The following MTUS1 variants were observed in gnomAD, a reference collection of about 807,000 sequenced individuals.
The protein encoded by MTUS1 is microtubule associated scaffold protein 1.
A neutral mutation model predicts 120.8 loss-of-function variants in MTUS1; 109 were observed. The observed-to-expected ratio is 0.90, with a 90% CI of 0.77 to 1.06. The LOEUF is 1.06. Among genes scored for constraint, MTUS1 ranks in the 50% least tolerant of loss-of-function variants. MTUS1 has a pLI of 0.00. For missense variants in MTUS1, 2,210 were observed against 1,486.3 expected (o/e 1.49, Z -8.01); for synonymous variants, 737 against 550.5 (o/e 1.34, Z -4.74).
Position 17,735,511 on chromosome 8 carries a change from G to A in MTUS1, c.2287+8093C>T, listed in dbSNP as rs77167722. Among the ~76,000 whole-genome samples the A allele has an allele frequency of 4.9e-3, 739 of 152,284 alleles. 7 individuals carry two copies. The highest frequency in any genetic ancestry group is 0.044 in the East Asian group (228 of 5,166). ...TCATCTGTCATTGACCCCGGGACAC[G>A]TCTGCTCCAGGCATGCTGACTCTGG... On this transcript the variant is annotated intron_variant, in intron 3 of 14. Transcript: ENST00000693296.
At chr8:17,752,776 C>T (rs2048298671) in intron 2 of MTUS1, among the ~76,000 whole-genome samples, 1 of 152,142 alleles carries the variant, frequency 6.6e-6, no homozygotes, top group Non-Finnish European at 1.5e-5. Flanking sequence ...ACTTAGCTCC[C>T]TTCCTGGCCC....
intron 4 of MTUS1, 115 bp downstream of exon 4, chr8:17,723,557 A>G (rs2045983518): frequency 9.5e-7 from 1 of 1,048,708 alleles, no homozygotes; most frequent in South Asian, 1.3e-5. Flanking sequence ...AGGAAGCAGT[A>G]TGCCTATTTT....
intron 3 of MTUS1, among the ~76,000 whole-genome samples, chr8:17,728,013 A>C (rs2046329112): frequency 6.6e-6 from 1 of 152,216 alleles, no homozygotes; most frequent in African/African-American, 2.4e-5. Context: ...CAACAATAAA[A>C]ATCAGTAAAA....
intron 1 of MTUS1, among the ~76,000 whole-genome samples, chr8:17,783,348 A>G (rs1405235149): frequency 1.3e-5 from 2 of 152,118 alleles, no homozygotes; most frequent in African/African-American, 4.8e-5. Flanking sequence ...CAGGAAAACA[A>G]AGGAACACAA....
chr8:17,677,697 A>C lies in MTUS1; in HGVS notation c.2839-2445T>G, dbSNP rs1352918752. ...GTCCTTAATGCCTCAGAAACTACTG[A>C]CATCTTCCAACCTCTGTCAGGCACA... On this transcript the variant is annotated intron_variant, in intron 7 of 14. Coordinates refer to ENST00000693296, the MANE Select transcript of MTUS1 (RefSeq NM_001363059.2). 2.6e-5 allele frequency among the ~76,000 whole-genome samples: 4 copies of C among 152,106 alleles called. No homozygotes were observed. In the East Asian group the frequency reaches 7.7e-4, roughly 29 times the overall value.
At chr8:17,762,827 T>C (rs1213263221) in intron 1 of MTUS1, among the ~76,000 whole-genome samples, 1 of 152,180 alleles carries the variant, frequency 6.6e-6, no homozygotes, top group Non-Finnish European at 1.5e-5. Context: ...GGATGGGGCC[T>C]GAGATTCTGC....
intron 8 of MTUS1, among the ~76,000 whole-genome samples, chr8:17,661,933 T>C (rs920615023): frequency 2.6e-5 from 4 of 152,200 alleles, no homozygotes; most frequent in African/African-American, 9.7e-5. Context: ...TGGCCTGGGC[T>C]GCGAAGGAAA....
chr8:17,683,882 A>G (rs937069111), intron 7 of MTUS1, among the ~76,000 whole-genome samples: 4 of 152,202 alleles, frequency 2.6e-5, no homozygotes, highest in African/African-American at 9.7e-5. Flanking sequence ...GAACTTTCAG[A>G]AAGAATCCCC....
intron 2 of MTUS1, among the ~76,000 whole-genome samples, chr8:17,745,206 A>G (rs76537124): frequency 0.037 from 5,691 of 152,306 alleles, 187 homozygotes; most frequent in East Asian, 0.14. Flanking sequence ...GTGAACGTGT[A>G]CAGTTGTCCC....
intron 7 of MTUS1, among the ~76,000 whole-genome samples, chr8:17,680,464 C>CAAAAAAAA (rs58490523): frequency 2.1e-4 from 5 of 24,310 alleles, no homozygotes; most frequent in Admixed American, 4.8e-4. Context: ...GCCACTGTCG[C>CAAAAAAAA]AAAAAAAAAA....
chr8:17,652,204 G>C (rs1443391428), intron 12 of MTUS1, among the ~76,000 whole-genome samples: 1 of 152,204 alleles, frequency 6.6e-6, no homozygotes, highest in African/African-American at 2.4e-5. Context: ...GTTGGGGTAA[G>C]GCTGGGGAAA....
At position 17,755,828 on chromosome 8, in the gene MTUS1, C is replaced by T; in HGVS notation, c.-21G>A. On this transcript the variant is annotated 5_prime_UTR_variant, in exon 2 of 15. Transcript: ENST00000693296. ...GTCATCCTGAATAGTAACCTTAAAC[C>T]TCTGCCATTTTATTTCTTCTTCAAT... 3 of 1,584,826 alleles carry T rather than the reference C, an allele frequency of 1.9e-6. No homozygotes were observed.
chr8:17,721,761 C>T (rs199529545), intron 4 of MTUS1: 56 of 1,613,742 alleles, frequency 3.5e-5, no homozygotes, highest in African/African-American at 3.1e-4. Context: ...AAAGGCTGTA[C>T]GATCCCACGA....
intron 1 of MTUS1, among the ~76,000 whole-genome samples, chr8:17,784,793 T>C (rs1458351087): frequency 6.6e-6 from 1 of 151,588 alleles, no homozygotes; most frequent in African/African-American, 2.4e-5. Context: ...GAAGAACTTT[T>C]TTTTTTTTTG....
rs1805413758 is a variant in MTUS1, at chr8:17,644,417, A to C, written c.*1509T>G. On this transcript the variant is annotated 3_prime_UTR_variant, in exon 15 of 15. Transcript: ENST00000693296. ...TGAATGTAGATTAGTAAATACTGAC[A>C]TCACAATGTTGACACATGCAGGGAG... The C allele has an allele frequency of 6.6e-6, 1 of 152,560 alleles. No homozygotes were observed. The highest frequency in any genetic ancestry group is 1.5e-5 in the Non-Finnish European group (1 of 68,036). 9.5% of individuals were successfully genotyped at this position (152,560 alleles called of 1,614,324 possible).
intron 3 of MTUS1, among the ~76,000 whole-genome samples, chr8:17,741,854 G>A (rs758208643): frequency 1.3e-5 from 2 of 152,172 alleles, no homozygotes; most frequent in Non-Finnish European, 2.9e-5. Flanking sequence ...CAGGGTCTTA[G>A]ATTCTCAGAC....
intron 3 of MTUS1, among the ~76,000 whole-genome samples, chr8:17,740,773 G>C (rs2047262383): frequency 6.6e-6 from 1 of 152,318 alleles, no homozygotes; most frequent in Middle Eastern, 3.4e-3. Context: ...AGAGGTGCCA[G>C]CTGATCTGCT....
intron 6 of MTUS1, among the ~76,000 whole-genome samples, chr8:17,695,408 C>G (rs1313889976): frequency 6.6e-6 from 1 of 152,178 alleles, no homozygotes; most frequent in Non-Finnish European, 1.5e-5. Flanking sequence ...CTTCTCTGGG[C>G]CTCAGACTTC....
intron 1 of MTUS1, among the ~76,000 whole-genome samples, chr8:17,767,995 C>T (rs138399597): frequency 2.5e-4 from 38 of 152,322 alleles, no homozygotes; most frequent in South Asian, 2.5e-3. Flanking sequence ...AAGCCAGACA[C>T]GCTTAAAAGG....
Sources: allele counts gnomAD v4.1 joint callset (sites outside exome capture counted in the v4.1 genomes callset), GRCh38; gene constraint gnomAD v4.1.1; transcripts MANE v1.5; gene names NCBI Gene and HGNC (gene_info 2026-07-23, HGNC 2026-07-21).